PRKCH: variants seen among roughly 807,000 people sequenced by gnomAD.
PRKCH encodes the protein protein kinase C eta type.
Under a neutral mutation model 82.5 loss-of-function variants are expected in PRKCH, and 28 were observed. The ratio of observed to expected loss-of-function variants is 0.34; its 90% CI spans 0.25 to 0.47. PRKCH has a LOEUF of 0.47. Ranked by LOEUF, PRKCH falls within the 20% of genes least tolerant of loss-of-function variation. The pLI is 1.00. For missense variants in PRKCH, 705 were observed against 881.8 expected, an observed-to-expected ratio of 0.80 and a Z score of 2.54; for synonymous variants, 322 against 327.4, an observed-to-expected ratio of 0.98 and a Z score of 0.18.
At chr14:61,467,575 G>A (rs1885316179) in intron 9 of PRKCH, among the ~76,000 whole-genome samples, 1 of 152,246 alleles carries the variant, frequency 6.6e-6, no homozygotes, top group Admixed American at 6.5e-5. Context: ...AAGAGGCCCT[G>A]TGACAGAGGG....
intron 1 of PRKCH, among the ~76,000 whole-genome samples, chr14:61,220,306 A>C (rs1302064589): frequency 1.3e-5 from 2 of 152,166 alleles, no homozygotes; most frequent in Admixed American, 1.3e-4. Flanking sequence ...TTTTTTGATC[A>C]CCTCGGCCAG....
intron 9 of PRKCH, among the ~76,000 whole-genome samples, chr14:61,458,276 C>T (rs754418639): frequency 2.7e-4 from 41 of 152,164 alleles, no homozygotes; most frequent in Non-Finnish European, 5.4e-4. Flanking sequence ...ACTTGACCAG[C>T]GGTGGATTAA....
chr14:61,422,416 T>C (rs1882884189), intron 2 of PRKCH, among the ~76,000 whole-genome samples: 3 of 152,212 alleles, frequency 2.0e-5, no homozygotes, highest in Admixed American at 2.0e-4. Context: ...AGTAGGAGCA[T>C]AGCAGGGTGC....
intron 11 of PRKCH, among the ~76,000 whole-genome samples, chr14:61,530,065 T>C (rs2043025721): frequency 6.6e-6 from 1 of 152,230 alleles, no homozygotes; most frequent in Non-Finnish European, 1.5e-5. Context: ...GAAAGGCTCT[T>C]GAATCCTTGA....
intron 9 of PRKCH, among the ~76,000 whole-genome samples, chr14:61,460,439 A>G (rs962391330): frequency 3.3e-5 from 5 of 152,154 alleles, no homozygotes; most frequent in South Asian, 4.1e-4. Context: ...TGCATTTCAC[A>G]TTTTGATTGA....
intron 1 of PRKCH, among the ~76,000 whole-genome samples, chr14:61,349,053 G>A (rs188828726): frequency 2.9e-4 from 44 of 152,350 alleles, no homozygotes; most frequent in South Asian, 1.4e-3. Context: ...ATGGCTATCC[G>A]TTTATGCTCT....
intron 9 of PRKCH, among the ~76,000 whole-genome samples, chr14:61,465,342 A>G (rs985695605): frequency 6.6e-6 from 1 of 152,062 alleles, no homozygotes; most frequent in Non-Finnish European, 1.5e-5. Flanking sequence ...TCATTTGGTA[A>G]TTTTACAGTT....
chr14:61,430,126 GACAA>G (rs1171673266), intron 2 of PRKCH, among the ~76,000 whole-genome samples: 4 of 152,098 alleles, frequency 2.6e-5, no homozygotes, highest in African/African-American at 9.7e-5. Flanking sequence ...TCAATGAAAA[GACAA>G]ACAGCCCAAT....
chr14:61,418,239 G>A (rs1347466468), intron 2 of PRKCH, among the ~76,000 whole-genome samples: 1 of 152,202 alleles, frequency 6.6e-6, no homozygotes, highest in African/African-American at 2.4e-5. Context: ...TTTTGCATCT[G>A]ACAGGTCGAG....
At chr14:61,515,086 G>A (rs2139981473) in intron 10 of PRKCH, among the ~76,000 whole-genome samples, 1 of 152,304 alleles carries the variant, frequency 6.6e-6, no homozygotes, top group African/African-American at 2.4e-5. Flanking sequence ...TCTGCAGGTG[G>A]CCTTGCATGG....
At chr14:61,287,106 G>T (rs1294625372) in intron 1 of PRKCH, among the ~76,000 whole-genome samples, 2 of 145,602 alleles carry the variant, frequency 1.4e-5, no homozygotes, top group Admixed American at 1.4e-4. Context: ...CTTGGAAGTT[G>T]AGGCAGGAGA....
intron 1 of PRKCH, among the ~76,000 whole-genome samples, chr14:61,232,339 C>T (rs537383070): frequency 6.6e-6 from 1 of 152,328 alleles, no homozygotes; most frequent in South Asian, 2.1e-4. Context: ...AATTCTTGTG[C>T]CTCAGCCTAC....
At chr14:61,491,318 C>G (rs552911246) in intron 10 of PRKCH, among the ~76,000 whole-genome samples, 42 of 152,288 alleles carry the variant, frequency 2.8e-4, no homozygotes, top group Non-Finnish European at 4.6e-4. Context: ...GGTCTCTTCT[C>G]TCTTGATTTG....
At chr14:61,329,478 C>T (rs542279045) in intron 1 of PRKCH, among the ~76,000 whole-genome samples, 5 of 152,126 alleles carry the variant, frequency 3.3e-5, no homozygotes, top group South Asian at 2.1e-4. Flanking sequence ...TCAGGTGATC[C>T]GCCCGCCTTA....
intron 1 of PRKCH, among the ~76,000 whole-genome samples, chr14:61,241,929 T>A (rs1222187594): frequency 6.6e-6 from 1 of 152,152 alleles, no homozygotes; most frequent in Non-Finnish European, 1.5e-5. Flanking sequence ...ATGCCATTAT[T>A]TGAGAATGGA....
At chr14:61,348,416 G>T (rs2046025245) in intron 1 of PRKCH, among the ~76,000 whole-genome samples, 1 of 152,220 alleles carries the variant, frequency 6.6e-6, no homozygotes, top group Non-Finnish European at 1.5e-5. Context: ...TGGCAAAACT[G>T]ACAAAGTTTG....
At chr14:61,425,591 C>T (rs1198108080) in intron 2 of PRKCH, among the ~76,000 whole-genome samples, 1 of 152,190 alleles carries the variant, frequency 6.6e-6, no homozygotes, top group Non-Finnish European at 1.5e-5. Flanking sequence ...ATTTTACAGG[C>T]TTATAGGCAG....
rs183930537 is a variant in PRKCH at position 61,372,804 on chromosome 14, A to G, written c.364-18421A>G. Among the ~76,000 whole-genome samples, 39 of 152,174 alleles carry G rather than the reference A, an allele frequency of 2.6e-4. No individual in the cohort carries two copies. The East Asian group carries it at 6.9e-3, about 27-fold the overall frequency. ...GATACCCTAACTTTTTAAATTGCAT[A>G]TATTCAAGTTCTGTGTGCTATAAAG... On this transcript the variant is annotated intron_variant, in intron 1 of 13. Coordinates refer to ENST00000332981, the MANE Select transcript of PRKCH (RefSeq NM_006255.5).
intron 1 of PRKCH, among the ~76,000 whole-genome samples, chr14:61,331,615 C>T (rs913235684): frequency 1.3e-5 from 2 of 152,202 alleles, no homozygotes; most frequent in Non-Finnish European, 2.9e-5. Context: ...TAATGGGTGT[C>T]AGGAGAACTG....
Sources: gnomAD v4.1 joint callset for allele counts (sites outside exome capture counted in the v4.1 genomes callset) on GRCh38, gnomAD v4.1.1 for gene constraint, MANE v1.5 for transcripts, NCBI Gene and HGNC (gene_info 2026-07-23, HGNC 2026-07-21) for gene names.